KCNH7: variants seen among roughly 807,000 people sequenced by gnomAD.
The protein encoded by KCNH7 is voltage-gated inwardly rectifying potassium channel KCNH7.
In KCNH7, 49 loss-of-function variants were observed where a neutral mutation model predicts 120.8. The observed-to-expected ratio is 0.41, with a 90% CI of 0.32 to 0.51. The LOEUF (loss-of-function observed/expected upper bound fraction) is 0.51, where lower values mean the gene tolerates loss of function less well. KCNH7 is among the 20% of genes least tolerant of loss of function. The probability of loss-of-function intolerance (pLI) is 0.38; values close to 1 mark genes in which losing one functional copy is unlikely to be tolerated. For synonymous variants in KCNH7, 547 were observed against 516.1 expected (o/e 1.06, Z -0.81); for missense variants, 1,097 against 1,446.6 (o/e 0.76, Z 3.92).
At position 162,518,148 on chromosome 2, in the gene KCNH7, A is replaced by C. The variant is rs1447286505; in HGVS notation, c.474T>G (p.Phe158Leu). ...CTCTCAGACCAGGGAATTTGAACCC[A>C]AAAAATTTCCCTATAAATGGAGACA... Reference protein sequence around the residue: ...LPIKTVNRKFFGFKFPGLRVL... With the variant: ...LPIKTVNRKFLGFKFPGLRVL... Residue 158 changes from phenylalanine (F) to leucine (L), a missense_variant, in exon 4 of 16, where the codon TTT becomes TTG. Transcript: ENST00000332142. The C allele has an allele frequency of 8.7e-6, 14 of 1,606,982 alleles. No individual in the cohort carries two copies. Among genetic ancestry groups the C allele is most frequent in the Non-Finnish European group, 1.1e-5 (13 of 1,175,774 alleles).
intron 2 of KCNH7, among the ~76,000 whole-genome samples, chr2:162,580,861 C>A (rs1398176313): frequency 6.6e-6 from 1 of 151,924 alleles, no homozygotes; most frequent in Non-Finnish European, 1.5e-5. Flanking sequence ...TAGAGAGAAA[C>A]CTTCATAATT....
At chr2:162,750,027 C>A (rs572103376) in intron 2 of KCNH7, among the ~76,000 whole-genome samples, 1 of 152,078 alleles carries the variant, frequency 6.6e-6, no homozygotes, top group African/African-American at 2.4e-5. Flanking sequence ...ACTTAGATAG[C>A]CTAGGAAGGT....
chr2:162,493,234 TACA>T (rs1462861802), intron 6 of KCNH7, among the ~76,000 whole-genome samples: 2 of 152,074 alleles, frequency 1.3e-5, no homozygotes, highest in African/African-American at 4.8e-5. Flanking sequence ...TGAAAATTCT[TACA>T]ACTATTGGAT....
chr2:162,454,539 G>A (rs920262404), intron 6 of KCNH7, among the ~76,000 whole-genome samples: 6 of 152,072 alleles, frequency 3.9e-5, no homozygotes, highest in Middle Eastern at 3.2e-3. Context: ...AAATTACTTT[G>A]GACAGTATGG....
At chr2:162,680,705 C>T (rs1164470725) in intron 2 of KCNH7, among the ~76,000 whole-genome samples, 2 of 151,708 alleles carry the variant, frequency 1.3e-5, no homozygotes, top group African/African-American at 4.8e-5. Context: ...TCTTGGGTTT[C>T]GTTCACTTAT....
intron 2 of KCNH7, among the ~76,000 whole-genome samples, chr2:162,612,239 C>T (rs1682993712): frequency 6.6e-6 from 1 of 152,026 alleles, no homozygotes; most frequent in Non-Finnish European, 1.5e-5. Flanking sequence ...CAAGAGTTTG[C>T]CAATCTTGGC....
intron 6 of KCNH7, among the ~76,000 whole-genome samples, chr2:162,468,749 T>C (rs1337107305): frequency 1.3e-5 from 2 of 152,034 alleles, no homozygotes; most frequent in Non-Finnish European, 2.9e-5. Flanking sequence ...CTCAATCTCC[T>C]GACCTCCCAG....
At chr2:162,748,967 C>CTTCCTTCG (rs1688445512) in intron 2 of KCNH7, among the ~76,000 whole-genome samples, 3 of 138,166 alleles carry the variant, frequency 2.2e-5, no homozygotes, top group African/African-American at 8.2e-5. Context: ...TCCTTCCTTC[C>CTTCCTTCG]TTCCTTCCTT....
intron 3 of KCNH7, among the ~76,000 whole-genome samples, chr2:162,531,411 T>C (rs1000529803): frequency 2.6e-5 from 4 of 151,894 alleles, no homozygotes; most frequent in African/African-American, 9.7e-5. Context: ...AGACAACTAT[T>C]CCGTGGGAAA....
chr2:162,375,955 T>C (rs1307473447), intron 14 of KCNH7, among the ~76,000 whole-genome samples: 2 of 151,588 alleles, frequency 1.3e-5, no homozygotes, highest in Admixed American at 1.3e-4. Flanking sequence ...TAGCCTGCTT[T>C]ACTCAGGAGG....
At chr2:162,745,930 A>T (rs1688300031) in intron 2 of KCNH7, among the ~76,000 whole-genome samples, 1 of 151,956 alleles carries the variant, frequency 6.6e-6, no homozygotes, top group Non-Finnish European at 1.5e-5. Context: ...TCTAAGCCAA[A>T]GTTTGCTACC....
intron 5 of KCNH7, among the ~76,000 whole-genome samples, chr2:162,510,953 T>C (rs1345299415): frequency 6.6e-6 from 1 of 151,782 alleles, no homozygotes; most frequent in Non-Finnish European, 1.5e-5. Context: ...AATTTGGGGA[T>C]ATAACTTCTT....
At chr2:162,488,710 C>T (rs1389551754) in intron 6 of KCNH7, among the ~76,000 whole-genome samples, 2 of 152,322 alleles carry the variant, frequency 1.3e-5, no homozygotes, top group South Asian at 2.1e-4. Context: ...CACTGAGGTG[C>T]CCCACTGCAC....
intron 2 of KCNH7, among the ~76,000 whole-genome samples, chr2:162,774,756 AC>A (rs1349230037): frequency 1.3e-5 from 2 of 152,194 alleles, no homozygotes; most frequent in Non-Finnish European, 2.9e-5. Context: ...ATTCTACCCC[AC>A]TGAAATAATG....
chr2:162,752,908 GAAAAGAAAAGAAAAGAAAAGA>G (rs1559116078), intron 2 of KCNH7, among the ~76,000 whole-genome samples: 21 of 35,966 alleles, frequency 5.8e-4, no homozygotes, highest in African/African-American at 2.7e-3. Context: ...CTCAGAAAAA[GAAAAGAAAAGAAAAGAAAAGA>G]AAAGAAAAGA....
At chr2:162,397,044 C>G in intron 10 of KCNH7, 99 bp from the exon 11 acceptor site, 1 of 755,668 alleles carries the variant, frequency 1.3e-6, no homozygotes, top group South Asian at 1.7e-5. Flanking sequence ...TGATCAATCC[C>G]TGAACCAGAC....
At chr2:162,725,026 G>C (rs1378459357) in intron 2 of KCNH7, among the ~76,000 whole-genome samples, 2 of 152,178 alleles carry the variant, frequency 1.3e-5, no homozygotes, top group Non-Finnish European at 2.9e-5. Context: ...GAATATTTCT[G>C]TAATTTGAAA....
chr2:162,468,076 CAG>C (rs1689366235), intron 6 of KCNH7, among the ~76,000 whole-genome samples: 1 of 152,124 alleles, frequency 6.6e-6, no homozygotes, highest in African/African-American at 2.4e-5. Context: ...CTGACTCTGT[CAG>C]AGTGTTCAGG....
At chr2:162,386,638 C>T (rs75629050) in intron 12 of KCNH7, among the ~76,000 whole-genome samples, 2 of 151,736 alleles carry the variant, frequency 1.3e-5, no homozygotes, top group East Asian at 3.9e-4. Flanking sequence ...GGAGTGTTTT[C>T]CAGCAGCATC....
Sources: allele counts gnomAD v4.1 joint callset (sites outside exome capture counted in the v4.1 genomes callset), GRCh38; gene constraint gnomAD v4.1.1; transcripts MANE v1.5; gene names NCBI Gene and HGNC (gene_info 2026-07-23, HGNC 2026-07-21).